The following CD58 variants were observed in gnomAD, a reference collection of about 807,000 sequenced individuals.
CD58 encodes the protein CD58 molecule.
Under a neutral mutation model 27.6 loss-of-function variants are expected in CD58, and 14 were observed. That is an observed-to-expected ratio of 0.51 (90% CI 0.34 to 0.79). The LOEUF (loss-of-function observed/expected upper bound fraction) is 0.79. Ranked by LOEUF, CD58 falls within the 30% of genes least tolerant of loss-of-function variation. The pLI is 0.02. For missense variants in CD58, 268 were observed against 301.7 expected (o/e 0.89, Z 0.83); for synonymous variants, 117 against 103.8 (o/e 1.13, Z -0.77).
chr1:116,548,467 T>G (rs914992667), intron 1 of CD58, among the ~76,000 whole-genome samples: 2 of 152,224 alleles, frequency 1.3e-5, no homozygotes, highest in African/African-American at 4.8e-5. Context: ...CTTGAGTTGA[T>G]TTTTATATAA....
chr1:116,536,363 C>A lies in CD58; in HGVS notation c.365-135G>T, dbSNP rs563008385. ...GACAAACTCCTTGAGCATCAAGGAG[C>A]GAGAATTCTTTCTTTTGCTAGGTCA... On this transcript the variant is annotated intron_variant, in intron 2 of 5. Coordinates refer to ENST00000369489, the MANE Select transcript of CD58 (RefSeq NM_001779.3). This position sits in a 1 kb window ranked among gnomAD's most constrained non-coding sequence, Gnocchi z 5.4. 8.1e-6 allele frequency: 5 copies of A among 618,848 alleles called. No homozygotes were observed. The highest frequency in any genetic ancestry group is 1.4e-5 in the Non-Finnish European group (5 of 363,450). The allele number at this position is 618,848 out of a possible 1,614,324, so 38.3% of individuals were successfully genotyped here.
intron 1 of CD58, among the ~76,000 whole-genome samples, chr1:116,564,716 A>G (rs1287807025): frequency 1.3e-5 from 2 of 152,186 alleles, no homozygotes; most frequent in African/African-American, 4.8e-5. Context: ...TTATGATTCA[A>G]TTATCTCCAC....
In CD58 at chr1:116,532,474, G is replaced by T. The variant is rs1315494495; in HGVS notation, c.628+3491C>A. ...GGTGATGCAGGCTGCACACTCAGCA[G>T]ATTAAGCAGCTGAAAACAGCGAGTG... On this transcript the variant is annotated intron_variant, in intron 3 of 5. Coordinates refer to ENST00000369489, the MANE Select transcript of CD58 (RefSeq NM_001779.3). This position sits in a 1 kb window ranked among gnomAD's most constrained non-coding sequence, Gnocchi z 5.1. 6.6e-6 allele frequency among the ~76,000 whole-genome samples: 1 copy of T among 152,224 alleles called. No homozygotes were observed. The highest frequency in any genetic ancestry group is 1.5e-5 in the Non-Finnish European group (1 of 68,038).
Position 116,541,001 on chromosome 1 carries a change from G to A in CD58, c.364+3310C>T, listed in dbSNP as rs935232075. 1.1e-4 allele frequency among the ~76,000 whole-genome samples: 17 copies of A among 152,106 alleles called. No individual in the cohort carries two copies. The highest frequency in any genetic ancestry group is 1.1e-3 in the Admixed American group (17 of 15,262). ...ATTATTTTATTTTTGTAGAGATGGA[G>A]TCTTGCTATGTTGCCTAGGATGGTC... is the stretch of plus-strand genomic sequence containing the variant. On this transcript the variant is annotated intron_variant, in intron 2 of 5. Coordinates refer to ENST00000369489, the MANE Select transcript of CD58 (RefSeq NM_001779.3). The surrounding 1 kb of genome is among the most constrained non-coding windows in gnomAD (Gnocchi z 5.3).
chr1:116,529,366 G>A (rs1657525465), intron 3 of CD58, among the ~76,000 whole-genome samples: 1 of 152,174 alleles, frequency 6.6e-6, no homozygotes, highest in African/African-American at 2.4e-5. Context: ...ATGACACAAA[G>A]GCAAGAAATA....
Position 116,570,522 on chromosome 1 carries a change from G to T in CD58, c.70+381C>A, listed in dbSNP as rs1659106135. Among the ~76,000 whole-genome samples the T allele has an allele frequency of 1.3e-5, 2 of 151,928 alleles. No individual in the cohort carries two copies. Among genetic ancestry groups the T allele is most frequent in the South Asian group, 4.1e-4 (2 of 4,822 alleles). ...CGCGCCCGCTCCCCGTCCCGGGCGC[G>T]TTCACGGCTGGGAAAAATTTTGCAG... On this transcript the variant is annotated intron_variant, in intron 1 of 5. Transcript: ENST00000369489. This position sits in a 1 kb window ranked among gnomAD's most constrained non-coding sequence, Gnocchi z 6.4.
Position 116,563,805 on chromosome 1 carries a change from T to C in CD58, c.70+7098A>G, listed in dbSNP as rs1658846164. Among the ~76,000 whole-genome samples, 6 of 152,230 alleles carry C rather than the reference T, an allele frequency of 3.9e-5. No homozygotes were observed. The South Asian group carries it at 1.2e-3, about 31-fold the overall frequency. ...TTTTTCCCTCCAAGGCCTCCAGGCCTGTGATAGGAGGGGCTGCCATGAAGG... is the reference window on the plus strand; with the variant it reads ...TTTTTCCCTCCAAGGCCTCCAGGCCCGTGATAGGAGGGGCTGCCATGAAGG... On this transcript the variant is annotated intron_variant, in intron 1 of 5. Transcript: ENST00000369489. This position sits in a 1 kb window ranked among gnomAD's most constrained non-coding sequence, Gnocchi z 4.1.
Position 116,535,625 on chromosome 1 carries a change from A to C in CD58, c.628+340T>G, listed in dbSNP as rs1308439533. Among the ~76,000 whole-genome samples, 4 of 98,768 alleles carry C rather than the reference A, an allele frequency of 4.0e-5. 1 individual carries two copies. Among genetic ancestry groups the C allele is most frequent in the African/African-American group, 2.0e-4 (4 of 19,928 alleles). The allele number at this position is 98,768 out of a possible 152,430, so 64.8% of individuals were successfully genotyped here. The stretch of plus-strand genomic sequence containing the variant: ...GGGAGGCCGAGGCGGGCGGATCACG[A>C]GGTCAGGAGATCGAGACCATCCTGG... On this transcript the variant is annotated intron_variant, in intron 3 of 5. Transcript: ENST00000369489.
chr1:116,543,821 C>T (rs1658069317), intron 2 of CD58, among the ~76,000 whole-genome samples: 1 of 152,128 alleles, frequency 6.6e-6, no homozygotes, highest in African/African-American at 2.4e-5. Flanking sequence ...ACTTGGGAGG[C>T]TGAGACAGTA....
chr1:116,547,515 A>G (rs552895932), intron 1 of CD58, among the ~76,000 whole-genome samples: 107 of 151,362 alleles, frequency 7.1e-4, no homozygotes, highest in Middle Eastern at 3.4e-3. Context: ...ATTTTTAGTA[A>G]AGACGGGGTT....
rs557698081 is a variant in CD58 at position 116,552,780 on chromosome 1, C to T, written c.71-8176G>A. Among the ~76,000 whole-genome samples, 32 of 152,260 alleles carry T rather than the reference C, an allele frequency of 2.1e-4. No individual in the cohort carries two copies. Among genetic ancestry groups the T allele is most frequent in the Middle Eastern group, 3.4e-3 (1 of 294 alleles). On this transcript the variant is annotated intron_variant, in intron 1 of 5. Coordinates refer to ENST00000369489, the MANE Select transcript of CD58 (RefSeq NM_001779.3). This position sits in a 1 kb window ranked among gnomAD's most constrained non-coding sequence, Gnocchi z 4.5. ...CTAGCTTTGTCTATTGCAGTTACAC[C>T]GCAATAACTATCCTGTACATATGTC...
rs1217424590 is a variant in CD58 at position 116,521,783 on chromosome 1, A to G, written c.706+123T>C. ...AGCAGTCCCACACACGTAAAGCAAAAAAGTTTTTGTTTCTTTTCAAATGTC... is the reference window on the plus strand; with the variant it reads ...AGCAGTCCCACACACGTAAAGCAAAGAAGTTTTTGTTTCTTTTCAAATGTC... On this transcript the variant is annotated intron_variant, in intron 4 of 5. Transcript: ENST00000369489. The surrounding 1 kb of genome is among the most constrained non-coding windows in gnomAD (Gnocchi z 5.6). 8 of 684,852 alleles carry G rather than the reference A, an allele frequency of 1.2e-5. No homozygotes were observed. Among genetic ancestry groups the G allele is most frequent in the Non-Finnish European group, 1.8e-5 (7 of 383,098 alleles). The allele number at this position is 684,852 out of a possible 1,614,324, so 42.4% of individuals were successfully genotyped here. A position where few individuals can be genotyped will look rare whatever the true frequency, so the allele number is the denominator to read the frequency against.
At chr1:116,525,918 T>C (rs537478871) in intron 3 of CD58, among the ~76,000 whole-genome samples, 1 of 152,348 alleles carries the variant, frequency 6.6e-6, no homozygotes, top group African/African-American at 2.4e-5. Context: ...CCCAAAGTGC[T>C]GGGATTACAG....
Position 116,570,649 on chromosome 1 carries a change from A to G in CD58, c.70+254T>C, listed in dbSNP as rs3176850. 0.049 allele frequency among the ~76,000 whole-genome samples: 7,469 copies of G among 151,898 alleles called. 577 individuals are homozygous for G. Among genetic ancestry groups the G allele is most frequent in the African/African-American group, 0.17 (6,997 of 41,434 alleles). ...CGGGGGGGCGCAGGCCCCGCAGGAGAGGCTAGCGGGCCGGAGCCCGTCCTT... is the reference window on the plus strand; with the variant it reads ...CGGGGGGGCGCAGGCCCCGCAGGAGGGGCTAGCGGGCCGGAGCCCGTCCTT... On this transcript the variant is annotated intron_variant, in intron 1 of 5. Transcript: ENST00000369489. The surrounding 1 kb of genome is among the most constrained non-coding windows in gnomAD (Gnocchi z 6.4).
intron 1 of CD58, among the ~76,000 whole-genome samples, chr1:116,545,404 G>C (rs1055581063): frequency 1.3e-5 from 2 of 152,200 alleles, no homozygotes; most frequent in Non-Finnish European, 2.9e-5. Context: ...GAAAGTCAAT[G>C]CTGTAGCAAT....
rs1262094958 is a variant in CD58, at chr1:116,527,905, G to A, written c.629-5922C>T. On this transcript the variant is annotated intron_variant, in intron 3 of 5. Coordinates refer to ENST00000369489, the MANE Select transcript of CD58 (RefSeq NM_001779.3). This position sits in a 1 kb window ranked among gnomAD's most constrained non-coding sequence, Gnocchi z 4.4. Reference sequence around the variant, plus strand: ...AGTCTCCCAAGTAGCTAGGACTACAGACACATGCCACAACACCTCAGTAAC... The same window carrying A: ...AGTCTCCCAAGTAGCTAGGACTACAAACACATGCCACAACACCTCAGTAAC... Among the ~76,000 whole-genome samples, 1 of 152,186 alleles carries A rather than the reference G, an allele frequency of 6.6e-6. No homozygotes were observed. The highest frequency in any genetic ancestry group is 1.5e-5 in the Non-Finnish European group (1 of 68,046).
In CD58 at chr1:116,534,294, T is replaced by G. The variant is rs950232536; in HGVS notation, c.628+1671A>C. 6.6e-6 allele frequency among the ~76,000 whole-genome samples: 1 copy of G among 152,222 alleles called. No homozygotes were observed. The highest frequency in any genetic ancestry group is 2.4e-5 in the African/African-American group (1 of 41,462). On this transcript the variant is annotated intron_variant, in intron 3 of 5. Transcript: ENST00000369489. The surrounding 1 kb of genome is among the most constrained non-coding windows in gnomAD (Gnocchi z 5.3). ...CGAAACTTACAATCAAAACCCCAGT[T>G]AGCCCAGCCTGACCCCACAGATGCT...
At chr1:116,551,514 G>A (rs1286013638) in intron 1 of CD58, among the ~76,000 whole-genome samples, 1 of 152,150 alleles carries the variant, frequency 6.6e-6, no homozygotes, top group African/African-American at 2.4e-5. Flanking sequence ...TCTGGATTAG[G>A]CTTTGGATTA....
intron 2 of CD58, 52 bp downstream of exon 2, chr1:116,544,259 T>C: frequency 3.8e-6 from 5 of 1,312,608 alleles, no homozygotes; most frequent in Non-Finnish European, 5.3e-6. Flanking sequence ...GAAAACAGAC[T>C]AAAAAAATGG....
Sources: allele counts gnomAD v4.1 joint callset (sites outside exome capture counted in the v4.1 genomes callset), GRCh38; gene constraint gnomAD v4.1.1; non-coding constraint Gnocchi (gnomAD v3.1); transcripts MANE v1.5; gene names NCBI Gene and HGNC (gene_info 2026-07-23, HGNC 2026-07-21).